The following DOK5 variants were observed in gnomAD, a reference collection of about 807,000 sequenced individuals.
The protein encoded by DOK5 is docking protein 5, also known as downstream of tyrosine kinase 5.
DOK5 carries 27 observed loss-of-function variants against 43.3 expected under a neutral mutation model. The ratio of observed to expected loss-of-function variants is 0.62; its 90% CI spans 0.46 to 0.86. The LOEUF (loss-of-function observed/expected upper bound fraction) is 0.86. Among genes scored for constraint, DOK5 ranks in the 40% least tolerant of loss-of-function variants. The probability of loss-of-function intolerance (pLI) is 0.00; values close to 1 mark genes in which losing one functional copy is unlikely to be tolerated. For missense variants in DOK5, 373 were observed against 392.9 expected (o/e 0.95, Z 0.43); for synonymous variants, 146 against 140.1 (o/e 1.04, Z -0.30).
intron 1 of DOK5, among the ~76,000 whole-genome samples, chr20:54,552,322 A>C (rs995317627): frequency 6.6e-6 from 1 of 152,072 alleles, no homozygotes; most frequent in Non-Finnish European, 1.5e-5. Context: ...TATTATGAAC[A>C]CTTTTCTATG....
At chr20:54,614,090 C>A (rs1459212407) in intron 6 of DOK5, among the ~76,000 whole-genome samples, 1 of 151,292 alleles carries the variant, frequency 6.6e-6, no homozygotes, top group South Asian at 2.1e-4. Context: ...AAAACAACAA[C>A]AAAAAACCTG....
chr20:54,575,438 CTGT>C (rs1985423453), intron 2 of DOK5, among the ~76,000 whole-genome samples: 1 of 151,926 alleles, frequency 6.6e-6, no homozygotes, highest in African/African-American at 2.4e-5. Context: ...TGAGACAACC[CTGT>C]TATTTTATTT....
At chr20:54,476,206 T>A in intron 1 of DOK5, 194 bp downstream of exon 1, 1 of 985,406 alleles carries the variant, frequency 1.0e-6, no homozygotes, top group South Asian at 4.7e-5. Flanking sequence ...GATCTATCTT[T>A]ATCTCTTGGA....
At chr20:54,566,739 A>C (rs1001768257) in intron 2 of DOK5, among the ~76,000 whole-genome samples, 1 of 152,034 alleles carries the variant, frequency 6.6e-6, no homozygotes, top group Non-Finnish European at 1.5e-5. Context: ...ACTTCAGCCT[A>C]CCAAGTAGCT....
At chr20:54,560,201 T>C (rs1984852886) in intron 2 of DOK5, among the ~76,000 whole-genome samples, 1 of 152,242 alleles carries the variant, frequency 6.6e-6, no homozygotes. Flanking sequence ...AAACATTTCC[T>C]CTTCCGATAC....
intron 1 of DOK5, among the ~76,000 whole-genome samples, chr20:54,508,415 G>A (rs1982893383): frequency 1.3e-5 from 2 of 150,406 alleles, no homozygotes; most frequent in African/African-American, 4.9e-5. Context: ...GCAAAGGGCT[G>A]GGGATATAAT....
At chr20:54,481,035 C>CA (rs1981674336) in intron 1 of DOK5, among the ~76,000 whole-genome samples, 5 of 119,508 alleles carry the variant, frequency 4.2e-5, no homozygotes, top group Non-Finnish European at 6.9e-5. Flanking sequence ...ATCTATCTAT[C>CA]ATCTATCTAT....
At chr20:54,521,687 T>G (rs1983403337) in intron 1 of DOK5, among the ~76,000 whole-genome samples, 1 of 152,166 alleles carries the variant, frequency 6.6e-6, no homozygotes, top group African/African-American at 2.4e-5. Flanking sequence ...TTAGGCATGA[T>G]TAATTGAATC....
At chr20:54,548,229 T>TTTGATTTA (rs370730356) in intron 1 of DOK5, among the ~76,000 whole-genome samples, 1 of 149,326 alleles carries the variant, frequency 6.7e-6, no homozygotes, top group African/African-American at 2.5e-5. Context: ...ATTACCTATC[T>TTTGATTTA]TTTATTTATT....
chr20:54,518,295 A>C (rs1357284456), intron 1 of DOK5, among the ~76,000 whole-genome samples: 2 of 150,890 alleles, frequency 1.3e-5, no homozygotes, highest in East Asian at 2.0e-4. Context: ...CCACAACAGG[A>C]CCCAGTGTGT....
chr20:54,631,029 A>G (rs1440149656), intron 6 of DOK5, among the ~76,000 whole-genome samples: 1 of 152,206 alleles, frequency 6.6e-6, no homozygotes, highest in African/African-American at 2.4e-5. Context: ...AAATGAACAA[A>G]CAAAGTATGA....
chr20:54,591,984 C>G (rs937036885), intron 5 of DOK5, among the ~76,000 whole-genome samples, 179 bp downstream of exon 5: 1 of 152,168 alleles, frequency 6.6e-6, no homozygotes, highest in Non-Finnish European at 1.5e-5. Flanking sequence ...TATTTATATA[C>G]TCAACATGGC....
chr20:54,577,020 G>T (rs1261141713), intron 2 of DOK5, among the ~76,000 whole-genome samples: 2 of 152,110 alleles, frequency 1.3e-5, no homozygotes, highest in African/African-American at 4.8e-5. Context: ...AGCCTGTCAG[G>T]GATTCATTCA....
At chr20:54,633,107 AC>A (rs1978648466) in intron 6 of DOK5, among the ~76,000 whole-genome samples, 1 of 149,000 alleles carries the variant, frequency 6.7e-6, no homozygotes, top group Non-Finnish European at 1.5e-5. Flanking sequence ...AACAAAAAAA[AC>A]AAATGCCTGG....
rs1031805424 is a variant in DOK5 at position 54,509,923 on chromosome 20, C to T, written c.66+33911C>T. 2.1e-4 allele frequency among the ~76,000 whole-genome samples: 30 copies of T among 140,094 alleles called. 1 individual carries two copies. Among genetic ancestry groups the T allele is most frequent in the African/African-American group, 3.5e-4 (13 of 36,934 alleles). 91.9% of individuals were successfully genotyped at this position (140,094 alleles called of 152,430 possible). ...GAAATGTCCATTGGAGGCTTTCAGA[C>T]GGCAGTACATATGCTTTTAAAAATA... On this transcript the variant is annotated intron_variant, in intron 1 of 7. Transcript: ENST00000262593.
At chr20:54,647,392 C>G (rs1979483685) in intron 7 of DOK5, among the ~76,000 whole-genome samples, 1 of 151,860 alleles carries the variant, frequency 6.6e-6, no homozygotes, top group Non-Finnish European at 1.5e-5. Flanking sequence ...GTAATTCCAG[C>G]TACTCGGAAA....
intron 1 of DOK5, among the ~76,000 whole-genome samples, chr20:54,486,556 TACACACACACACATGC>T (rs1981942539): frequency 6.6e-6 from 1 of 150,998 alleles, no homozygotes; most frequent in South Asian, 2.1e-4. Context: ...TTTCTCATTT[TACACACACACACATGC>T]ACACACACAC....
In DOK5 at chr20:54,604,743, G is replaced by C. The variant is rs1472900398; in HGVS notation, c.600-5645G>C. ...TGGCCGGGCACGGTGGCTCATGCCT[G>C]TAATCCCAGCACTTTGGGAGGCTGA... On this transcript the variant is annotated intron_variant, in intron 5 of 7. Coordinates refer to ENST00000262593, the MANE Select transcript of DOK5 (RefSeq NM_018431.5). Among the ~76,000 whole-genome samples the C allele has an allele frequency of 3.9e-5, 6 of 152,170 alleles. No homozygotes were observed. The East Asian group carries it at 7.7e-4, about 20-fold the overall frequency.
At chr20:54,532,778 C>A (rs1254173060) in intron 1 of DOK5, among the ~76,000 whole-genome samples, 2 of 152,212 alleles carry the variant, frequency 1.3e-5, no homozygotes, top group African/African-American at 4.8e-5. Flanking sequence ...TACCAGGAGG[C>A]TCAGAGACCT....
Sources: allele counts gnomAD v4.1 joint callset (sites outside exome capture counted in the v4.1 genomes callset), GRCh38; gene constraint gnomAD v4.1.1; transcripts MANE v1.5; gene names NCBI Gene and HGNC (gene_info 2026-07-23, HGNC 2026-07-21).